TRAF2: variants seen among roughly 807,000 people sequenced by gnomAD.
The protein encoded by TRAF2 is TNF receptor-associated factor 2.
A neutral mutation model predicts 55.6 loss-of-function variants in TRAF2; 6 were observed. That is an observed-to-expected ratio of 0.11 (90% confidence interval 0.06 to 0.21). The LOEUF is 0.21. Ranked by LOEUF, TRAF2 falls within the 10% of genes least tolerant of loss-of-function variation. The probability of loss-of-function intolerance (pLI) is 1.00; values close to 1 mark genes in which losing one functional copy is unlikely to be tolerated. For missense variants in TRAF2, 561 were observed against 684.5 expected (o/e 0.82, Z 2.01); for synonymous variants, 329 against 276.3 (o/e 1.19, Z -1.89).
chr9:136,900,512 G>A lies in TRAF2; in HGVS notation c.358G>A (p.Glu120Lys), dbSNP rs759233910. The change falls in exon 4 of 11, where the codon GAA becomes AAA. Residue 120 changes from glutamate to lysine, a missense_variant. Glu to Lys is a moderately conservative substitution (Grantham distance 56). This residue lies in a region of TRAF2 where 426 missense variants were observed against 476.8 expected (regional missense o/e 0.89). Coordinates refer to ENST00000247668, the MANE Select transcript of TRAF2 (RefSeq NM_021138.4). ...ATGCACCTGGAAGGGGACCCTGAAAGAATACGAGGTAAAGATGCCTGCGTG... is the reference window on the plus strand; with the variant it reads ...ATGCACCTGGAAGGGGACCCTGAAAAAATACGAGGTAAAGATGCCTGCGTG... ...DGCTWKGTLKEYESCHEGRCP... is the reference protein window; with the variant it reads ...DGCTWKGTLKKYESCHEGRCP... 1 of 1,614,034 alleles carries A rather than the reference G, an allele frequency of 6.2e-7. No homozygotes were observed. Among genetic ancestry groups the A allele is most frequent in the Non-Finnish European group, 8.5e-7 (1 of 1,179,960 alleles).
rs199841585 is a variant in TRAF2, at chr9:136,908,034, G to C, written c.367-36G>C. ...AGCTGTGGCTGCCCAAATGTCCCAC[G>C]CGAGTTCTACTGACGCTTCCTCCTT... On this transcript the variant is annotated intron_variant, in intron 4 of 10. Coordinates refer to ENST00000247668, the MANE Select transcript of TRAF2 (RefSeq NM_021138.4). The C allele has an allele frequency of 4.6e-4, 731 of 1,574,892 alleles. 4 individuals are homozygous for C. In the East Asian group the frequency reaches 0.015, roughly 32 times the overall value.
At chr9:136,923,414 C>T (rs1850444041) in intron 9 of TRAF2, among the ~76,000 whole-genome samples, 1 of 151,652 alleles carries the variant, frequency 6.6e-6, no homozygotes, top group South Asian at 2.1e-4. Flanking sequence ...AGTTTGAGAC[C>T]ATCCTGGCCA....
At chr9:136,898,446 C>A (rs1849736721) in intron 1 of TRAF2, 1 of 309,492 alleles carries the variant, frequency 3.2e-6, no homozygotes, top group Non-Finnish European at 4.7e-6. Flanking sequence ...GTCTGTGTCT[C>A]TTTGGAGCTG....
chr9:136,908,897 G>A (rs1398510749), intron 5 of TRAF2, among the ~76,000 whole-genome samples: 2 of 146,824 alleles, frequency 1.4e-5, no homozygotes, highest in African/African-American at 5.0e-5. Context: ...AAAAAGCCAG[G>A]CACGGTGGCG....
At chr9:136,925,610 T>A in intron 10 of TRAF2, 73 bp from the exon 11 acceptor site, 1 of 1,491,790 alleles carries the variant, frequency 6.7e-7, no homozygotes. Context: ...GCCCTGCCAG[T>A]GTCCAGACCC....
At chr9:136,925,618 C>A in intron 10 of TRAF2, 65 bp from the exon 11 acceptor site, 2 of 1,546,942 alleles carry the variant, frequency 1.3e-6, no homozygotes, top group African/African-American at 2.7e-5. Flanking sequence ...AGTGTCCAGA[C>A]CCTCGGGAGC....
chr9:136,910,020 G>T (rs754939645), intron 6 of TRAF2, 26 bp downstream of exon 6: 34 of 1,609,730 alleles, frequency 2.1e-5, no homozygotes, highest in Middle Eastern at 1.6e-4. Flanking sequence ...CTCCTTGGAG[G>T]ACCGCAGGGC....
chr9:136,883,642 G>C (rs1849399094), upstream of TRAF2, among the ~76,000 whole-genome samples: 1 of 151,272 alleles, frequency 6.6e-6, no homozygotes, highest in Non-Finnish European at 1.5e-5. Context: ...TCAGCCTCCT[G>C]AGTAATTGGG....
intron 1 of TRAF2, among the ~76,000 whole-genome samples, chr9:136,891,612 T>C (rs932266216): frequency 6.6e-6 from 1 of 152,094 alleles, no homozygotes; most frequent in African/African-American, 2.4e-5. Flanking sequence ...TGTCTCCACC[T>C]TCAAGAGCGC....
chr9:136,904,697 C>T (rs1001872374), intron 4 of TRAF2, among the ~76,000 whole-genome samples: 9 of 152,032 alleles, frequency 5.9e-5, no homozygotes, highest in African/African-American at 1.9e-4. Context: ...CGTTAGCCAC[C>T]GCGCCTGGCC....
At chr9:136,907,935 T>C in intron 4 of TRAF2, 135 bp from the exon 5 acceptor site, 1 of 1,099,108 alleles carries the variant, frequency 9.1e-7, no homozygotes, top group Admixed American at 2.3e-5. Context: ...CTGAGAGCTA[T>C]CTGCAGAGGG....
chr9:136,895,025 C>A (rs934066554), intron 1 of TRAF2, among the ~76,000 whole-genome samples: 1 of 152,144 alleles, frequency 6.6e-6, no homozygotes, highest in Non-Finnish European at 1.5e-5. Context: ...TTGGCTGAGT[C>A]CCTGGTGAAT....
intron 4 of TRAF2, among the ~76,000 whole-genome samples, chr9:136,906,308 G>C (rs1849949226): frequency 6.6e-6 from 1 of 152,036 alleles, no homozygotes; most frequent in Non-Finnish European, 1.5e-5. Context: ...CCGAGACTTG[G>C]GTAGTTTATA....
intron 8 of TRAF2, among the ~76,000 whole-genome samples, chr9:136,920,793 G>A (rs948819041): frequency 5.3e-5 from 8 of 152,208 alleles, no homozygotes; most frequent in African/African-American, 1.7e-4. Context: ...CCATGGATGG[G>A]GATGTGCATG....
rs1464281376 is a variant in TRAF2, at chr9:136,923,798, C to T, written c.1139-54C>T. 9 of 1,587,118 alleles carry T rather than the reference C, an allele frequency of 5.7e-6. No homozygotes were observed. The Admixed American group carries it at 1.3e-4, about 24-fold the overall frequency. On this transcript the variant is annotated intron_variant, in intron 9 of 10. Coordinates refer to ENST00000247668, the MANE Select transcript of TRAF2 (RefSeq NM_021138.4). ...GGAGGGCAGCCAGGCAGGAAGAGCC[C>T]TGCCCCGCCCTTGCTGAGTGTCAGC...
rs1038319420 is a variant in TRAF2, at chr9:136,900,327, G to T, written c.268-95G>T. On this transcript the variant is annotated intron_variant, in intron 3 of 10. Transcript: ENST00000247668. The stretch of plus-strand genomic sequence containing the variant: ...GAGTGGCCTGGAAAGGCGATGTGAC[G>T]CAGTATTGGTTGGTTTGGACGTGTG... The T allele has an allele frequency of 8.0e-6, 6 of 751,528 alleles. No individual in the cohort carries two copies. The East Asian group carries it at 1.4e-4, about 17-fold the overall frequency. 46.6% of individuals were successfully genotyped at this position (751,528 alleles called of 1,614,324 possible).
chr9:136,918,255 A>ATATATATATATATATATATATT (rs1402432355), intron 7 of TRAF2, among the ~76,000 whole-genome samples: 2 of 23,354 alleles, frequency 8.6e-5, no homozygotes, highest in African/African-American at 4.2e-4. Context: ...ATATATATAT[A>ATATATATATATATATATATATT]TATTTATTTA....
intron 3 of TRAF2, among the ~76,000 whole-genome samples, chr9:136,900,173 A>G (rs1014577360): frequency 8.8e-5 from 11 of 124,846 alleles, no homozygotes; most frequent in African/African-American, 4.1e-4. Context: ...CTCCTTTAAA[A>G]AAAAAAAAAG....
intron 6 of TRAF2, among the ~76,000 whole-genome samples, chr9:136,911,228 CT>C (rs1228797265): frequency 2.7e-5 from 4 of 150,200 alleles, no homozygotes; most frequent in African/African-American, 9.8e-5. Flanking sequence ...GAACACGGGG[CT>C]TTCTCTGTGC....
Sources: gnomAD v4.1 joint callset for allele counts (sites outside exome capture counted in the v4.1 genomes callset) on GRCh38, gnomAD v4.1.1 for gene constraint, gnomAD v4.1.1 regional missense constraint, MANE v1.5 for transcripts, NCBI Gene and HGNC (gene_info 2026-07-23, HGNC 2026-07-21) for gene names.